The following KCNMA1 variants were observed in gnomAD, a reference collection of about 807,000 sequenced individuals.
KCNMA1 encodes the protein potassium calcium-activated channel subfamily M alpha 1.
KCNMA1 carries 29 observed loss-of-function variants against 140.0 expected under a neutral mutation model. The ratio of observed to expected loss-of-function variants is 0.21; its 90% CI spans 0.15 to 0.28. KCNMA1 has a LOEUF of 0.28. KCNMA1 is among the 10% of genes least tolerant of loss of function. The probability of loss-of-function intolerance (pLI) is 1.00; values close to 1 mark genes in which losing one functional copy is unlikely to be tolerated. For missense variants in KCNMA1, 880 were observed against 1,602.2 expected, an observed-to-expected ratio of 0.55 and a Z score of 7.70; for synonymous variants, 612 against 611.9, an observed-to-expected ratio of 1.00 and a Z score of 0.00.
intron 23 of KCNMA1, among the ~76,000 whole-genome samples, chr10:76,918,681 A>C (rs1330237547): frequency 6.6e-6 from 1 of 152,154 alleles, no homozygotes; most frequent in East Asian, 1.9e-4. Context: ...AACAGTGTGG[A>C]GATTCCTCAA....
At chr10:76,923,820 T>C (rs1336493478) in intron 23 of KCNMA1, among the ~76,000 whole-genome samples, 1 of 150,940 alleles carries the variant, frequency 6.6e-6, no homozygotes, top group Non-Finnish European at 1.5e-5. Flanking sequence ...TCGTCTCTAC[T>C]AAAAACAAAC....
chr10:77,046,829 G>A (rs994416340), intron 14 of KCNMA1, among the ~76,000 whole-genome samples: 2 of 152,198 alleles, frequency 1.3e-5, no homozygotes, highest in African/African-American at 4.8e-5. Flanking sequence ...TGTTAGCTGA[G>A]GTCCAAATGG....
At chr10:76,918,494 T>C (rs1214957154) in intron 23 of KCNMA1, among the ~76,000 whole-genome samples, 1 of 152,180 alleles carries the variant, frequency 6.6e-6, no homozygotes, top group African/African-American at 2.4e-5. Context: ...CATTTGTATA[T>C]AACATCACTA....
intron 1 of KCNMA1, among the ~76,000 whole-genome samples, chr10:77,494,571 C>T (rs1160346133): frequency 2.0e-5 from 3 of 152,354 alleles, no homozygotes; most frequent in African/African-American, 4.8e-5. Context: ...GCACCTTTCA[C>T]CACCCAGATG....
intron 3 of KCNMA1, among the ~76,000 whole-genome samples, chr10:77,214,313 T>C (rs1365465677): frequency 6.6e-6 from 1 of 152,186 alleles, no homozygotes; most frequent in African/African-American, 2.4e-5. Flanking sequence ...GTGGATGGCC[T>C]CGCCTCATCA....
At chr10:77,477,421 A>G (rs2098301864) in intron 1 of KCNMA1, among the ~76,000 whole-genome samples, 1 of 152,172 alleles carries the variant, frequency 6.6e-6, no homozygotes, top group Admixed American at 6.5e-5. Flanking sequence ...AGATGGTGAC[A>G]TTTTCTCATA....
rs189701052 is a variant in KCNMA1 at position 77,307,751 on chromosome 10, G to A, written c.541-56495C>T. ...TTTTTAGTAGAGACGGGGTTTCACC[G>A]TGTTAGCCAGGATGGTCTCGATCTC... On this transcript the variant is annotated intron_variant, in intron 2 of 27. Transcript: ENST00000286628. Among the ~76,000 whole-genome samples, 450 of 152,150 alleles carry A rather than the reference G, an allele frequency of 3.0e-3. 4 individuals carry two copies. The highest frequency in any genetic ancestry group is 0.018 in the Admixed American group (269 of 15,274).
At chr10:77,238,900 C>T (rs1049054241) in intron 3 of KCNMA1, among the ~76,000 whole-genome samples, 6 of 152,176 alleles carry the variant, frequency 3.9e-5, no homozygotes, top group African/African-American at 1.4e-4. Flanking sequence ...AAAAGAACCA[C>T]CACCAGTCTA....
intron 5 of KCNMA1, among the ~76,000 whole-genome samples, chr10:77,149,190 T>C (rs913395044): frequency 6.6e-6 from 1 of 152,232 alleles, no homozygotes; most frequent in South Asian, 2.1e-4. Context: ...TCTCTGCTTT[T>C]GACATGCAAG....
chr10:76,973,457 G>A (rs184004951), intron 19 of KCNMA1, among the ~76,000 whole-genome samples: 7 of 152,338 alleles, frequency 4.6e-5, no homozygotes, highest in Admixed American at 4.6e-4. Flanking sequence ...CAAGTCTAAT[G>A]AGGCTTCAGA....
intron 5 of KCNMA1, among the ~76,000 whole-genome samples, chr10:77,164,600 T>C (rs1225420463): frequency 1.3e-5 from 2 of 151,952 alleles, no homozygotes; most frequent in Non-Finnish European, 2.9e-5. Flanking sequence ...TAGCTCTTCC[T>C]CCTCTAGAAG....
chr10:77,468,648 C>T (rs1162829772), intron 1 of KCNMA1, among the ~76,000 whole-genome samples: 1 of 152,124 alleles, frequency 6.6e-6, no homozygotes, highest in Non-Finnish European at 1.5e-5. Flanking sequence ...ACCAGCCCTG[C>T]CAACACCTTG....
At chr10:77,185,203 T>G (rs887913419) in intron 3 of KCNMA1, among the ~76,000 whole-genome samples, 1 of 151,948 alleles carries the variant, frequency 6.6e-6, no homozygotes, top group Non-Finnish European at 1.5e-5. Flanking sequence ...CTAAAGAGGA[T>G]CATGCAGATA....
chr10:77,634,799 A>G, intron 1 of KCNMA1: 1 of 180,326 alleles, frequency 5.5e-6, no homozygotes. Context: ...ACACACACAC[A>G]CACACACACA....
intron 1 of KCNMA1, among the ~76,000 whole-genome samples, chr10:77,558,839 A>C (rs2065403346): frequency 6.6e-6 from 1 of 152,264 alleles, no homozygotes; most frequent in Non-Finnish European, 1.5e-5. Flanking sequence ...ACCTTGACAC[A>C]GTACCTCTGG....
chr10:77,315,086 G>A (rs954701581), intron 2 of KCNMA1, among the ~76,000 whole-genome samples: 12 of 152,098 alleles, frequency 7.9e-5, no homozygotes, highest in African/African-American at 2.9e-4. Context: ...AGCTACTGAT[G>A]GACCATGACC....
intron 9 of KCNMA1, among the ~76,000 whole-genome samples, chr10:77,101,619 C>T (rs150729908): frequency 1.3e-5 from 2 of 152,154 alleles, no homozygotes; most frequent in African/African-American, 4.8e-5. Flanking sequence ...GGGGAAGTCA[C>T]GTGGCTCATG....
In KCNMA1 at chr10:76,885,371, T is replaced by A. The variant is rs199625724; in HGVS notation, c.*1895A>T. Reference sequence around the variant, plus strand: ...GGCTTGATAATTTACATGTATACAATTATTCCCCACCACAATACTGGTTTG... The same window carrying A: ...GGCTTGATAATTTACATGTATACAAATATTCCCCACCACAATACTGGTTTG... On this transcript the variant is annotated 3_prime_UTR_variant, in exon 28 of 28. Transcript: ENST00000286628. 9.1e-6 allele frequency: 9 copies of A among 984,806 alleles called. No individual in the cohort carries two copies. In the Admixed American group the frequency reaches 4.9e-4, roughly 54 times the overall value. 61.0% of individuals were successfully genotyped at this position (984,806 alleles called of 1,614,324 possible). A position where few individuals can be genotyped will look rare whatever the true frequency, so the allele number is the denominator to read the frequency against.
chr10:77,590,951 C>A (rs1357724696), intron 1 of KCNMA1, among the ~76,000 whole-genome samples: 1 of 152,206 alleles, frequency 6.6e-6, no homozygotes, highest in East Asian at 1.9e-4. Flanking sequence ...TGGCCACACA[C>A]CTCATCTGCC....
Sources: gnomAD v4.1 joint callset for allele counts (sites outside exome capture counted in the v4.1 genomes callset) on GRCh38, gnomAD v4.1.1 for gene constraint, MANE v1.5 for transcripts, NCBI Gene and HGNC (gene_info 2026-07-23, HGNC 2026-07-21) for gene names.